ESRP1: variants seen among roughly 807,000 people sequenced by gnomAD.
ESRP1 encodes epithelial splicing regulatory protein 1, also known as RNA-binding motif protein 35A.
A neutral mutation model predicts 81.7 loss-of-function variants in ESRP1; 33 were observed. The observed-to-expected ratio is 0.40, with a 90% CI of 0.31 to 0.54. The LOEUF (loss-of-function observed/expected upper bound fraction) is 0.54. Among genes scored for constraint, ESRP1 ranks in the 20% least tolerant of loss-of-function variants. The pLI is 0.41. For missense variants in ESRP1, 672 were observed against 833.1 expected, an observed-to-expected ratio of 0.81 and a Z score of 2.38; for synonymous variants, 320 against 303.3, an observed-to-expected ratio of 1.06 and a Z score of -0.57.
intron 4 of ESRP1, among the ~76,000 whole-genome samples, chr8:94,650,609 C>T (rs1011575015): frequency 6.6e-5 from 10 of 152,138 alleles, no homozygotes; most frequent in Admixed American, 3.9e-4. Context: ...TTTGTTTATT[C>T]GCCTACTGAA....
intron 4 of ESRP1, among the ~76,000 whole-genome samples, chr8:94,660,012 A>G (rs1818637171): frequency 6.6e-6 from 1 of 152,236 alleles, no homozygotes; most frequent in African/African-American, 2.4e-5. Context: ...CAAGGAAATA[A>G]GTCAGCTCTA....
chr8:94,701,722 G>A (rs1244012976), intron 15 of ESRP1, among the ~76,000 whole-genome samples: 2 of 151,788 alleles, frequency 1.3e-5, no homozygotes, highest in African/African-American at 2.4e-5. Flanking sequence ...CTGGGATACC[G>A]GCATGAGCCA....
rs577400402 is a variant in ESRP1 at position 94,674,027 on chromosome 8, C to A, written c.1453-281C>A. On this transcript the variant is annotated intron_variant, in intron 11 of 15. Transcript: ENST00000433389. ...TTTGAAGCAGCAGTCACAAGGAGACCCTTTCAAACCCTTGTAAATCTGATA... is the reference window on the plus strand; with the variant it reads ...TTTGAAGCAGCAGTCACAAGGAGACACTTTCAAACCCTTGTAAATCTGATA... Among the ~76,000 whole-genome samples, 62 of 152,166 alleles carry A rather than the reference C, an allele frequency of 4.1e-4. 3 individuals are homozygous for A. The South Asian group carries it at 0.012, about 29-fold the overall frequency.
At chr8:94,704,766 GAAAAAAAAAAAAA>G (rs10618511) in intron 15 of ESRP1, among the ~76,000 whole-genome samples, 1 of 108,752 alleles carries the variant, frequency 9.2e-6, no homozygotes, top group South Asian at 3.3e-4. Flanking sequence ...ATCTCTTTTT[GAAAAAAAAAAAAA>G]AAAAAAAAAA....
At chr8:94,670,157 A>G (rs537446298) in intron 10 of ESRP1, among the ~76,000 whole-genome samples, 2 of 152,218 alleles carry the variant, frequency 1.3e-5, no homozygotes, top group South Asian at 4.1e-4. Flanking sequence ...CATTTTCTCT[A>G]CTTCTCCATC....
intron 15 of ESRP1, among the ~76,000 whole-genome samples, chr8:94,700,651 C>T (rs1354771078): frequency 6.6e-6 from 1 of 152,188 alleles, no homozygotes; most frequent in African/African-American, 2.4e-5. Context: ...TTAAGAGGGC[C>T]GGGTGTAGTG....
At chr8:94,700,402 C>G (rs911898930) in intron 15 of ESRP1, among the ~76,000 whole-genome samples, 1 of 152,080 alleles carries the variant, frequency 6.6e-6, no homozygotes, top group South Asian at 2.1e-4. Flanking sequence ...AGCAATGTGA[C>G]GAGGGAGGCA....
chr8:94,698,960 G>A (rs753516645), intron 15 of ESRP1, among the ~76,000 whole-genome samples: 1 of 151,964 alleles, frequency 6.6e-6, no homozygotes, highest in Non-Finnish European at 1.5e-5. Context: ...AATGCTTTGC[G>A]GTGGTAATGG....
chr8:94,655,379 A>T (rs1586186403), intron 4 of ESRP1, among the ~76,000 whole-genome samples: 2 of 140,722 alleles, frequency 1.4e-5, no homozygotes, highest in Non-Finnish European at 3.0e-5. Context: ...GAGCCACCAC[A>T]CTTGGCATCT....
At chr8:94,689,317 ATCTTTTT>A (rs1001095584) in intron 13 of ESRP1, among the ~76,000 whole-genome samples, 8 of 126,456 alleles carry the variant, frequency 6.3e-5, no homozygotes, top group African/African-American at 1.8e-4. Flanking sequence ...TATTTAGATG[ATCTTTTT>A]TCTTTTAACA....
intron 4 of ESRP1, among the ~76,000 whole-genome samples, chr8:94,654,418 C>A (rs1818301316): frequency 6.6e-6 from 1 of 151,952 alleles, no homozygotes; most frequent in Non-Finnish European, 1.5e-5. Context: ...AAGGAGTCTC[C>A]TTTTCCTAAT....
At chr8:94,701,067 G>A (rs908555678) in intron 15 of ESRP1, among the ~76,000 whole-genome samples, 15 of 151,532 alleles carry the variant, frequency 9.9e-5, no homozygotes, top group African/African-American at 3.6e-4. Context: ...GAGGTCAGGA[G>A]TTCGAGACCA....
intron 10 of ESRP1, among the ~76,000 whole-genome samples, chr8:94,668,808 T>TGTGTGTGTGTGTGTGTGTG (rs56799877): frequency 4.6e-5 from 7 of 151,292 alleles, no homozygotes; most frequent in African/African-American, 1.2e-4. Flanking sequence ...TGTGTGTGTG[T>TGTGTGTGTGTGTGTGTGTG]TTGAGATGGG....
intron 15 of ESRP1, among the ~76,000 whole-genome samples, chr8:94,701,976 G>A (rs767963062): frequency 6.6e-6 from 1 of 152,192 alleles, no homozygotes; most frequent in Admixed American, 6.5e-5. Context: ...TACTCGGGAG[G>A]CTGAGGTGGA....
Position 94,706,790 on chromosome 8 carries a change from T to C in ESRP1, c.*901T>C, listed in dbSNP as rs1810084803. 1 of 152,258 alleles carries C rather than the reference T, an allele frequency of 6.6e-6. No homozygotes were observed. Among genetic ancestry groups the C allele is most frequent in the Non-Finnish European group, 1.5e-5 (1 of 68,040 alleles). 9.4% of individuals were successfully genotyped at this position (152,258 alleles called of 1,614,324 possible). On this transcript the variant is annotated 3_prime_UTR_variant, in exon 16 of 16. Transcript: ENST00000433389. ...CAGAAGTGAGACAATTTGAACAGTGTATTCTAGAAAACAATACACTAACTG... is the reference window on the plus strand; with the variant it reads ...CAGAAGTGAGACAATTTGAACAGTGCATTCTAGAAAACAATACACTAACTG...
chr8:94,689,217 C>T (rs1251304376), intron 13 of ESRP1, among the ~76,000 whole-genome samples: 5 of 143,782 alleles, frequency 3.5e-5, no homozygotes, highest in Admixed American at 7.3e-5. Flanking sequence ...AACCACTGCA[C>T]TCCAGCCTGG....
chr8:94,686,638 G>A (rs565695584), intron 13 of ESRP1, among the ~76,000 whole-genome samples: 2 of 152,154 alleles, frequency 1.3e-5, no homozygotes, highest in Admixed American at 6.5e-5. Flanking sequence ...CTAACCCTTC[G>A]GTTCCTCTAT....
At chr8:94,701,202 G>T (rs1809821536) in intron 15 of ESRP1, among the ~76,000 whole-genome samples, 1 of 148,944 alleles carries the variant, frequency 6.7e-6, no homozygotes, top group Non-Finnish European at 1.5e-5. Context: ...TTGAACCTGG[G>T]AGGTGGAGGT....
At chr8:94,690,798 C>T (rs1235022571) in intron 13 of ESRP1, among the ~76,000 whole-genome samples, 1 of 152,108 alleles carries the variant, frequency 6.6e-6, no homozygotes, top group Non-Finnish European at 1.5e-5. Context: ...GTGAAAATGA[C>T]CTTTTATATC....
Sources: allele counts gnomAD v4.1 joint callset (sites outside exome capture counted in the v4.1 genomes callset), GRCh38; gene constraint gnomAD v4.1.1; transcripts MANE v1.5; gene names NCBI Gene and HGNC (gene_info 2026-07-23, HGNC 2026-07-21).